The following NPAS2 variants were observed in gnomAD, a reference collection of about 807,000 sequenced individuals.
The protein encoded by NPAS2 is neuronal PAS domain protein 2, also known as neuronal PAS domain-containing protein 2.
Under a neutral mutation model 107.5 loss-of-function variants are expected in NPAS2, and 23 were observed. The ratio of observed to expected loss-of-function variants is 0.21; its 90% CI spans 0.15 to 0.30. The LOEUF is 0.30. Among genes scored for constraint, NPAS2 ranks in the 10% least tolerant of loss-of-function variants. The pLI is 1.00. For synonymous variants in NPAS2, 403 were observed against 417.5 expected (o/e 0.97, Z 0.42); for missense variants, 756 against 1,043.3 (o/e 0.72, Z 3.79).
At chr2:100,874,847 C>A (rs1244720985) in intron 1 of NPAS2, among the ~76,000 whole-genome samples, 1 of 152,188 alleles carries the variant, frequency 6.6e-6, no homozygotes. Context: ...GGGGCCGTTT[C>A]CTCCAGGCTG....
intron 1 of NPAS2, among the ~76,000 whole-genome samples, chr2:100,837,533 G>T (rs1301208851): frequency 6.6e-6 from 1 of 151,962 alleles, no homozygotes; most frequent in South Asian, 2.1e-4. Context: ...GGCTGATCTC[G>T]AACTCCTGAC....
At chr2:100,994,494 C>T (rs1678329341) in intron 20 of NPAS2, 1 of 152,254 alleles carries the variant, frequency 6.6e-6, no homozygotes, top group South Asian at 2.1e-4. Flanking sequence ...TTGCATGCAC[C>T]TGTTGCAGAC....
At chr2:100,925,015 C>A in intron 2 of NPAS2, 131 bp from the exon 3 acceptor site, 1 of 955,096 alleles carries the variant, frequency 1.0e-6, no homozygotes. Flanking sequence ...CCAGCGTGAC[C>A]TTCCTGAAAG....
intron 1 of NPAS2, among the ~76,000 whole-genome samples, chr2:100,828,858 A>G (rs1676552108): frequency 6.6e-6 from 1 of 152,202 alleles, no homozygotes. Context: ...CTTTCTGCTT[A>G]GGATTCCTTT....
At chr2:100,942,075 G>A (rs576265826) in intron 5 of NPAS2, among the ~76,000 whole-genome samples, 1 of 152,246 alleles carries the variant, frequency 6.6e-6, no homozygotes, top group East Asian at 1.9e-4. Context: ...TGAGAACTAT[G>A]TGCATGGATA....
At chr2:100,819,250 G>A (rs77335327), upstream of NPAS2, among the ~76,000 whole-genome samples, 411 of 152,254 alleles carry the variant, frequency 2.7e-3, no homozygotes, top group African/African-American at 9.2e-3. This position sits in a 1 kb window ranked among gnomAD's most constrained non-coding sequence, Gnocchi z 5.8. Context: ...GAGGAGGGGA[G>A]GGAGAGGCAG....
chr2:100,878,619 G>A, intron 1 of NPAS2: 3 of 985,370 alleles, frequency 3.0e-6, no homozygotes, highest in Non-Finnish European at 3.6e-6. Flanking sequence ...TCAGCTATCT[G>A]CTAACAGAAT....
intron 1 of NPAS2, among the ~76,000 whole-genome samples, chr2:100,851,369 G>T (rs773749060): frequency 6.6e-6 from 1 of 152,180 alleles, no homozygotes; most frequent in Non-Finnish European, 1.5e-5. Context: ...TGGGCTTTCC[G>T]CAGCATTGCT....
At chr2:100,934,515 G>A (rs984108936) in intron 4 of NPAS2, among the ~76,000 whole-genome samples, 8 of 151,622 alleles carry the variant, frequency 5.3e-5, no homozygotes, top group African/African-American at 1.5e-4. Context: ...CCTAGAAGCC[G>A]GTGGAAAGGA....
intron 7 of NPAS2, among the ~76,000 whole-genome samples, chr2:100,956,068 G>A (rs937415584): frequency 2.0e-5 from 3 of 151,962 alleles, no homozygotes; most frequent in Admixed American, 6.6e-5. Context: ...TAACAACCTG[G>A]CTAATTCTTT....
In NPAS2 at chr2:100,967,328, G is replaced by A. The variant is rs1187402898; in HGVS notation, c.908-953G>A. On this transcript the variant is annotated intron_variant, in intron 10 of 20. Coordinates refer to ENST00000335681, the MANE Select transcript of NPAS2 (RefSeq NM_002518.4). ...TGCAAGCTCCGCCTCCCGGGTTCAC[G>A]CCATTCTCCTGCCTCAGCCTCGTGA... 3.8e-5 allele frequency among the ~76,000 whole-genome samples: 5 copies of A among 131,710 alleles called. No individual in the cohort carries two copies. In the East Asian group the frequency reaches 1.3e-3, roughly 34 times the overall value. The allele number at this position is 131,710 out of a possible 152,430, so 86.4% of individuals were successfully genotyped here.
chr2:100,914,662 C>T (rs1010205404), intron 2 of NPAS2, among the ~76,000 whole-genome samples: 3 of 152,132 alleles, frequency 2.0e-5, no homozygotes, highest in Admixed American at 1.3e-4. Context: ...ATTAACAGCC[C>T]CTGCCACCAG....
In NPAS2 at chr2:100,996,792, G is replaced by A. The variant is rs961754250; in HGVS notation, c.*1210G>A. On this transcript the variant is annotated 3_prime_UTR_variant, in exon 21 of 21. Coordinates refer to ENST00000335681, the MANE Select transcript of NPAS2 (RefSeq NM_002518.4). ...AAAGTTTTCTTGTGTTTTTCTGTGA[G>A]TGAAAATTTTGTAATAAATTAACAA... The A allele has an allele frequency of 6.6e-6, 1 of 152,216 alleles. No homozygotes were observed. Among genetic ancestry groups the A allele is most frequent in the Non-Finnish European group, 1.5e-5 (1 of 68,032 alleles). The allele number at this position is 152,216 out of a possible 1,614,324, so 9.4% of individuals were successfully genotyped here.
At chr2:100,918,013 G>A (rs907838101) in intron 2 of NPAS2, among the ~76,000 whole-genome samples, 4 of 151,742 alleles carry the variant, frequency 2.6e-5, no homozygotes, top group Admixed American at 1.3e-4. Context: ...TTTCATAAGT[G>A]TAGATACAAA....
At chr2:100,967,647 C>T (rs966246379) in intron 10 of NPAS2, among the ~76,000 whole-genome samples, 6 of 152,128 alleles carry the variant, frequency 3.9e-5, no homozygotes, top group Admixed American at 2.0e-4. Context: ...TCCTTGGATC[C>T]GTAGTCCATC....
At chr2:100,982,182 G>C in intron 15 of NPAS2, 49 bp from the exon 16 acceptor site, 2 of 1,608,714 alleles carry the variant, frequency 1.2e-6, no homozygotes, top group Non-Finnish European at 1.7e-6. Context: ...TGCCTGCAAG[G>C]CTGAAATAAC....
chr2:100,968,499 C>T lies in NPAS2; in HGVS notation c.1055+71C>T. 2 of 1,467,864 alleles carry T rather than the reference C, an allele frequency of 1.4e-6. No individual in the cohort carries two copies. Among genetic ancestry groups the T allele is most frequent in the Non-Finnish European group, 1.9e-6 (2 of 1,068,380 alleles). 90.9% of individuals were successfully genotyped at this position (1,467,864 alleles called of 1,614,324 possible). A position where few individuals can be genotyped will look rare whatever the true frequency, so the allele number is the denominator to read the frequency against. On this transcript the variant is annotated intron_variant, in intron 11 of 20. Transcript: ENST00000335681. This position sits in a 1 kb window ranked among gnomAD's most constrained non-coding sequence, Gnocchi z 5.3. ...GGGGAGGGGTGCAGGATGGCGTGGC[C>T]CCTGATGGCCAAGTCAGATCAGCAG...
intron 4 of NPAS2, among the ~76,000 whole-genome samples, chr2:100,936,137 A>G (rs1372370519): frequency 6.6e-6 from 1 of 152,328 alleles, no homozygotes; most frequent in African/African-American, 2.4e-5. Flanking sequence ...GTGTAAAATA[A>G]TAAATGAGTC....
At chr2:100,953,567 G>A (rs1016839627) in intron 7 of NPAS2, among the ~76,000 whole-genome samples, 3 of 152,246 alleles carry the variant, frequency 2.0e-5, no homozygotes, top group African/African-American at 4.8e-5. Flanking sequence ...CCAGAGTTCA[G>A]GCTTTGCATT....
Sources: allele counts gnomAD v4.1 joint callset (sites outside exome capture counted in the v4.1 genomes callset), GRCh38; gene constraint gnomAD v4.1.1; non-coding constraint Gnocchi (gnomAD v3.1); transcripts MANE v1.5; gene names NCBI Gene and HGNC (gene_info 2026-07-23, HGNC 2026-07-21).